The following LRRC4C variants were observed in gnomAD, a reference collection of about 807,000 sequenced individuals.
LRRC4C encodes the protein leucine-rich repeat-containing protein 4C.
Under a neutral mutation model 33.6 loss-of-function variants are expected in LRRC4C, and 5 were observed. That is an observed-to-expected ratio of 0.15 (90% CI 0.08 to 0.31). The LOEUF is 0.31. Ranked by LOEUF, LRRC4C falls within the 10% of genes least tolerant of loss-of-function variation. The pLI is 1.00. For synonymous variants in LRRC4C, 329 were observed against 302.0 expected (o/e 1.09, Z -0.93); for missense variants, 560 against 796.7 (o/e 0.70, Z 3.58).
chr11:40,642,331 G>A (rs1942174525), intron 3 of LRRC4C, among the ~76,000 whole-genome samples: 1 of 152,170 alleles, frequency 6.6e-6, no homozygotes, highest in Admixed American at 6.5e-5. Flanking sequence ...AATAGGAAAT[G>A]TGACATATTG....
At chr11:40,766,732 T>C (rs779172754) in intron 2 of LRRC4C, among the ~76,000 whole-genome samples, 38 of 152,176 alleles carry the variant, frequency 2.5e-4, no homozygotes, top group Middle Eastern at 6.8e-3. Context: ...GGCTTTAAGA[T>C]ATTTTCTGCA....
intron 3 of LRRC4C, among the ~76,000 whole-genome samples, chr11:40,352,113 TC>T (rs1947424664): frequency 3.2e-5 from 2 of 61,796 alleles, no homozygotes; most frequent in Admixed American, 1.4e-4. Flanking sequence ...CTTTCTTTCT[TC>T]CTTCCTTCCT....
intron 6 of LRRC4C, among the ~76,000 whole-genome samples, chr11:40,117,442 C>A (rs1411013907): frequency 6.6e-6 from 1 of 152,018 alleles, no homozygotes; most frequent in Non-Finnish European, 1.5e-5. Context: ...TTTTTATTTA[C>A]AGAAAAAAAT....
rs1358635304 is a variant in LRRC4C, at chr11:40,835,817, A to G, written c.-407+97818T>C. 3.4e-4 allele frequency among the ~76,000 whole-genome samples: 52 copies of G among 152,226 alleles called. 1 individual carries two copies. The highest frequency in any genetic ancestry group is 3.4e-3 in the Admixed American group (52 of 15,270). On this transcript the variant is annotated intron_variant, in intron 2 of 6. Coordinates refer to ENST00000528697, the MANE Select transcript of LRRC4C (RefSeq NM_001258419.2). Reference sequence around the variant, plus strand: ...GTTGACCAGATTAAATAATAAAAATATTAATAGCATTCCTTTCCGTCAGCA... The same window carrying G: ...GTTGACCAGATTAAATAATAAAAATGTTAATAGCATTCCTTTCCGTCAGCA...
At chr11:41,069,505 T>C (rs931532270) in intron 1 of LRRC4C, among the ~76,000 whole-genome samples, 2 of 152,136 alleles carry the variant, frequency 1.3e-5, no homozygotes, top group African/African-American at 2.4e-5. Context: ...GCATGACTGT[T>C]TATTTAGAAA....
chr11:41,033,301 T>A (rs1317267274), intron 1 of LRRC4C, among the ~76,000 whole-genome samples: 1 of 151,718 alleles, frequency 6.6e-6, no homozygotes, highest in Non-Finnish European at 1.5e-5. Context: ...TTAACTAGAG[T>A]CTCAGGTATG....
intron 2 of LRRC4C, among the ~76,000 whole-genome samples, chr11:40,757,269 C>T (rs1948998927): frequency 6.6e-6 from 1 of 152,036 alleles, no homozygotes; most frequent in African/African-American, 2.4e-5. Flanking sequence ...CTAAAATCTC[C>T]CTTCTGGCTA....
chr11:40,347,824 C>T (rs1173453759), intron 3 of LRRC4C, among the ~76,000 whole-genome samples: 1 of 152,098 alleles, frequency 6.6e-6, no homozygotes, highest in Non-Finnish European at 1.5e-5. Context: ...GTCAGGCTGG[C>T]CTCAGACTCC....
chr11:41,121,177 C>A (rs1942409480), intron 1 of LRRC4C, among the ~76,000 whole-genome samples: 2 of 152,224 alleles, frequency 1.3e-5, no homozygotes, highest in South Asian at 4.1e-4. Flanking sequence ...TTTATTCAAA[C>A]TTTTTTCAAT....
intron 1 of LRRC4C, among the ~76,000 whole-genome samples, chr11:41,132,877 C>T (rs1451954179): frequency 6.6e-6 from 1 of 151,844 alleles, no homozygotes; most frequent in Admixed American, 6.6e-5. Flanking sequence ...GTTGTTATCC[C>T]CAGGAATACA....
intron 1 of LRRC4C, among the ~76,000 whole-genome samples, chr11:41,313,474 G>T (rs962396269): frequency 5.3e-5 from 8 of 152,054 alleles, no homozygotes; most frequent in Admixed American, 3.3e-4. Context: ...AAGTACACTG[G>T]AGGATGAACA....
intron 2 of LRRC4C, among the ~76,000 whole-genome samples, chr11:40,732,187 C>T (rs530340569): frequency 2.0e-5 from 3 of 152,090 alleles, no homozygotes; most frequent in East Asian, 1.9e-4. Flanking sequence ...AATTATTGAA[C>T]AGTTTGTGCA....
intron 3 of LRRC4C, among the ~76,000 whole-genome samples, chr11:40,534,212 T>C (rs988501040): frequency 6.6e-6 from 1 of 151,900 alleles, no homozygotes; most frequent in Non-Finnish European, 1.5e-5. Context: ...CTGTCATACG[T>C]GATGTGTCCA....
chr11:41,273,279 T>C (rs1185339371), intron 1 of LRRC4C, among the ~76,000 whole-genome samples: 2 of 152,164 alleles, frequency 1.3e-5, no homozygotes, highest in Non-Finnish European at 2.9e-5. Context: ...CTTCCGGTTA[T>C]GTATCCAAGA....
At chr11:41,047,396 G>A (rs1452387833) in intron 1 of LRRC4C, among the ~76,000 whole-genome samples, 1 of 152,054 alleles carries the variant, frequency 6.6e-6, no homozygotes, top group African/African-American at 2.4e-5. Flanking sequence ...TACATTGCTG[G>A]TGATGATGTA....
intron 4 of LRRC4C, among the ~76,000 whole-genome samples, chr11:40,266,685 T>C (rs1382600232): frequency 1.3e-5 from 2 of 152,140 alleles, no homozygotes; most frequent in Non-Finnish European, 2.9e-5. Flanking sequence ...ATCTTCGGCA[T>C]GGGTATCTTA....
At chr11:40,473,496 C>T (rs1329663259) in intron 3 of LRRC4C, among the ~76,000 whole-genome samples, 2 of 152,034 alleles carry the variant, frequency 1.3e-5, no homozygotes, top group African/African-American at 2.4e-5. Context: ...GTCAATATCA[C>T]ACTGAATGGG....
chr11:40,182,506 A>G (rs957204097), intron 5 of LRRC4C, among the ~76,000 whole-genome samples: 1 of 152,260 alleles, frequency 6.6e-6, no homozygotes, highest in African/African-American at 2.4e-5. Context: ...ATGCCACAGA[A>G]TAAGTAATTT....
In LRRC4C at chr11:41,048,459, T is replaced by G. The variant is rs548600130; in HGVS notation, c.-495-114736A>C. Among the ~76,000 whole-genome samples the G allele has an allele frequency of 7.2e-5, 11 of 152,062 alleles. No homozygotes were observed. In the South Asian group the frequency reaches 2.1e-3, roughly 29 times the overall value. ...TTTGTATTTTTAGTAGAGACGGGGT[T>G]TCACCATGTTGGCCAAGATAGTCTT... On this transcript the variant is annotated intron_variant, in intron 1 of 6. Coordinates refer to ENST00000528697, the MANE Select transcript of LRRC4C (RefSeq NM_001258419.2).
Sources: allele counts gnomAD v4.1 joint callset (sites outside exome capture counted in the v4.1 genomes callset), GRCh38; gene constraint gnomAD v4.1.1; transcripts MANE v1.5; gene names NCBI Gene and HGNC (gene_info 2026-07-23, HGNC 2026-07-21).